Variants in DCC observed in about 807,000 individuals in gnomAD.
DCC encodes the protein netrin receptor DCC.
In DCC, 58 loss-of-function variants were observed where a neutral mutation model predicts 172.5. The ratio of observed to expected loss-of-function variants is 0.34; its 90% CI spans 0.27 to 0.42. DCC has a LOEUF of 0.42. Ranked by LOEUF, DCC falls within the 10% of genes least tolerant of loss-of-function variation. The probability of loss-of-function intolerance (pLI) is 1.00; values close to 1 mark genes in which losing one functional copy is unlikely to be tolerated. For synonymous variants in DCC, 709 were observed against 644.5 expected (o/e 1.10, Z -1.52); for missense variants, 1,740 against 1,791.0 (o/e 0.97, Z 0.51).
At chr18:52,856,274 G>A (rs1332861508) in intron 2 of DCC, among the ~76,000 whole-genome samples, 1 of 152,002 alleles carries the variant, frequency 6.6e-6, no homozygotes, top group African/African-American at 2.4e-5. Flanking sequence ...TATTTATGAA[G>A]ATGTCTTTTT....
chr18:52,608,044 T>C (rs1319064636), intron 1 of DCC, among the ~76,000 whole-genome samples: 1 of 152,118 alleles, frequency 6.6e-6, no homozygotes, highest in Non-Finnish European at 1.5e-5. Flanking sequence ...TTCCTATATT[T>C]TGAGAGCAAC....
chr18:52,654,084 A>G (rs2035197301), intron 1 of DCC, among the ~76,000 whole-genome samples: 1 of 152,188 alleles, frequency 6.6e-6, no homozygotes, highest in Non-Finnish European at 1.5e-5. Context: ...TTATTTGGAA[A>G]CCTTAAAAGT....
chr18:53,013,277 G>A (rs1167365997), intron 5 of DCC, among the ~76,000 whole-genome samples: 2 of 152,014 alleles, frequency 1.3e-5, no homozygotes, highest in African/African-American at 2.4e-5. Flanking sequence ...ATTTACAATA[G>A]TAAAGACTTG....
intron 9 of DCC, among the ~76,000 whole-genome samples, chr18:53,189,221 A>G (rs2055331881): frequency 6.6e-6 from 1 of 151,792 alleles, no homozygotes; most frequent in South Asian, 2.1e-4. Context: ...ATATGTGTAT[A>G]TGTATATATG....
At chr18:53,150,209 G>A (rs1451431962) in intron 7 of DCC, among the ~76,000 whole-genome samples, 1 of 152,102 alleles carries the variant, frequency 6.6e-6, no homozygotes, top group East Asian at 1.9e-4. Context: ...TCTGAGCTTG[G>A]TTTTTCATTC....
At chr18:52,966,854 T>A (rs2040940013) in intron 5 of DCC, among the ~76,000 whole-genome samples, 3 of 152,234 alleles carry the variant, frequency 2.0e-5, no homozygotes, top group Admixed American at 6.5e-5. Context: ...TTGCCTTAAT[T>A]AATATGAACC....
rs752906308 is a variant in DCC at position 53,063,370 on chromosome 18, G to A, written c.1051G>A (p.Glu351Lys). 6.2e-7 allele frequency: 1 copy of A among 1,612,816 alleles called. No individual in the cohort carries two copies. The highest frequency in any genetic ancestry group is 8.5e-7 in the Non-Finnish European group (1 of 1,179,126). The change falls in exon 6 of 29, where the codon GAA (glutamate) becomes AAA (lysine). Residue 351 changes from glutamate (E) to lysine (K), a missense_variant. Transcript: ENST00000442544. ...YAYESMDIEFECTVSGKPVPT... is the reference protein window; with the variant it reads ...YAYESMDIEFKCTVSGKPVPT... ...CTATGAAAGCATGGATATTGAGTTT[G>A]AATGTACAGTCTCTGGAAAGCCTGT...
chr18:53,440,614 A>G (rs1240706635), intron 22 of DCC, among the ~76,000 whole-genome samples: 2 of 152,144 alleles, frequency 1.3e-5, no homozygotes, highest in Non-Finnish European at 2.9e-5. Flanking sequence ...ATTAGAAGAC[A>G]CCCAATGCTA....
chr18:52,342,865 A>G (rs1983715052), intron 1 of DCC, among the ~76,000 whole-genome samples: 1 of 152,234 alleles, frequency 6.6e-6, no homozygotes, highest in Non-Finnish European at 1.5e-5. Context: ...GTCTAAATTA[A>G]TTAAATATTC....
chr18:52,993,969 A>T (rs1378324254), intron 5 of DCC, among the ~76,000 whole-genome samples: 1 of 152,160 alleles, frequency 6.6e-6, no homozygotes, highest in Non-Finnish European at 1.5e-5. Context: ...CAGGCATTGC[A>T]CCATGAGACC....
chr18:52,986,222 G>A (rs1176246334), intron 5 of DCC, among the ~76,000 whole-genome samples: 2 of 152,126 alleles, frequency 1.3e-5, no homozygotes, highest in African/African-American at 4.8e-5. Flanking sequence ...CTTACAGAAT[G>A]AGAATGACTT....
intron 1 of DCC, among the ~76,000 whole-genome samples, chr18:52,589,586 T>C (rs1373283421): frequency 6.6e-6 from 1 of 152,230 alleles, no homozygotes; most frequent in Non-Finnish European, 1.5e-5. Flanking sequence ...GTGATGCCTC[T>C]TCCATGGGTT....
At chr18:53,353,503 T>C (rs868448602) in intron 15 of DCC, among the ~76,000 whole-genome samples, 1 of 150,322 alleles carries the variant, frequency 6.7e-6, no homozygotes. Flanking sequence ...GTCCTTCTTG[T>C]TATTTTAGAT....
chr18:53,119,526 C>T (rs2043453676), intron 7 of DCC, among the ~76,000 whole-genome samples: 1 of 151,772 alleles, frequency 6.6e-6, no homozygotes, highest in Non-Finnish European at 1.5e-5. Context: ...CTTAGCAAAC[C>T]ACAAATGGCA....
intron 2 of DCC, among the ~76,000 whole-genome samples, chr18:52,883,365 TGTGTGTGTGTGTGTGTGTGTGTGTGTGA>T (rs2039520198): frequency 8.4e-6 from 1 of 118,512 alleles, no homozygotes; most frequent in Non-Finnish European, 2.0e-5. Flanking sequence ...TGTGTGTGTG[TGTGTGTGTGTGTGTGTGTGTGTGTGTGA>T]GATCTCTTTC....
chr18:52,341,897 A>T (rs945824897), intron 1 of DCC, among the ~76,000 whole-genome samples: 2 of 152,190 alleles, frequency 1.3e-5, no homozygotes, highest in African/African-American at 4.8e-5. Flanking sequence ...AGCCCTTCGG[A>T]AACGACCTTT....
chr18:53,378,930 A>C (rs1490855687), intron 15 of DCC, among the ~76,000 whole-genome samples: 1 of 152,226 alleles, frequency 6.6e-6, no homozygotes, highest in African/African-American at 2.4e-5. Context: ...ATTAGCTATT[A>C]ATTACGTTTA....
At chr18:52,619,735 T>C (rs1042280309) in intron 1 of DCC, among the ~76,000 whole-genome samples, 1 of 152,190 alleles carries the variant, frequency 6.6e-6, no homozygotes, top group Non-Finnish European at 1.5e-5. Flanking sequence ...CCTAATCTAA[T>C]ATTCTATAAA....
intron 1 of DCC, among the ~76,000 whole-genome samples, chr18:52,417,762 T>C (rs1354381754): frequency 6.6e-6 from 1 of 152,216 alleles, no homozygotes; most frequent in East Asian, 1.9e-4. Flanking sequence ...TTATTCTAGT[T>C]ATACATTCGT....
Sources: gnomAD v4.1 joint callset for allele counts (sites outside exome capture counted in the v4.1 genomes callset) on GRCh38, gnomAD v4.1.1 for gene constraint, MANE v1.5 for transcripts, NCBI Gene and HGNC (gene_info 2026-07-23, HGNC 2026-07-21) for gene names.